Variants in NCKAP5 observed in about 807,000 individuals in gnomAD.
The protein encoded by NCKAP5 is NCK associated protein 5.
NCKAP5 carries 92 observed loss-of-function variants against 167.0 expected under a neutral mutation model. The observed-to-expected ratio is 0.55, with a 90% CI of 0.47 to 0.66. The LOEUF is 0.66. NCKAP5 is among the 30% of genes least tolerant of loss of function. The pLI is 0.00. For missense variants in NCKAP5, 2,378 were observed against 2,315.0 expected, an observed-to-expected ratio of 1.03 and a Z score of -0.56; for synonymous variants, 891 against 877.4, an observed-to-expected ratio of 1.02 and a Z score of -0.27.
the NCKAP5 span, among the ~76,000 whole-genome samples, chr2:133,590,716 G>A: frequency 6.6e-6 from 1 of 152,168 alleles, no homozygotes; most frequent in Admixed American, 6.5e-5. Context: ...CCATCGCCTA[G>A]GACTTTATTA....
chr2:132,815,068 G>A (rs116730558), intron 11 of NCKAP5, among the ~76,000 whole-genome samples: 1,907 of 152,284 alleles, frequency 0.013, 41 homozygotes, highest in African/African-American at 0.044. Context: ...GAGACAGTCT[G>A]TAGTTACCAT....
chr2:132,947,651 G>A (rs1353388892), intron 8 of NCKAP5, among the ~76,000 whole-genome samples: 1 of 152,138 alleles, frequency 6.6e-6, no homozygotes, highest in Non-Finnish European at 1.5e-5. Context: ...TCAACCCAGC[G>A]AGCTCTGTCC....
chr2:132,738,773 G>A (rs1259268904), intron 16 of NCKAP5, among the ~76,000 whole-genome samples: 2 of 152,024 alleles, frequency 1.3e-5, no homozygotes, highest in African/African-American at 2.4e-5. Context: ...TGGAAGGCAA[G>A]GGGGGCTGGT....
intron 3 of NCKAP5, among the ~76,000 whole-genome samples, chr2:133,470,721 T>C (rs994150802): frequency 6.6e-6 from 1 of 152,138 alleles, no homozygotes; most frequent in Non-Finnish European, 1.5e-5. Context: ...TGGTGCGCCG[T>C]TTTTTAAGCC....
At chr2:133,228,596 G>A (rs1397715065) in intron 4 of NCKAP5, among the ~76,000 whole-genome samples, 2 of 152,108 alleles carry the variant, frequency 1.3e-5, no homozygotes, top group East Asian at 1.9e-4. Flanking sequence ...TTTATACTGT[G>A]CACATTCCTA....
chr2:133,482,899 T>A, intron 3 of NCKAP5, among the ~76,000 whole-genome samples: 1 of 152,184 alleles, frequency 6.6e-6, no homozygotes, highest in East Asian at 1.9e-4. Context: ...TAAGGACCAC[T>A]CCTGTGATAC....
At chr2:133,539,003 C>T (rs1295819898) in intron 2 of NCKAP5, among the ~76,000 whole-genome samples, 8 of 138,582 alleles carry the variant, frequency 5.8e-5, no homozygotes, top group South Asian at 2.3e-4. Context: ...TGCAGTGGCG[C>T]GATCTCGACT....
chr2:132,920,680 A>ATATATAT lies in NCKAP5; in HGVS notation c.580-41765_580-41764insATATATA, dbSNP rs1558942415. Among the ~76,000 whole-genome samples the ATATATAT allele has an allele frequency of 4.8e-5, 4 of 83,404 alleles. 1 individual carries two copies. Among genetic ancestry groups the ATATATAT allele is most frequent in the African/African-American group, 8.2e-5 (1 of 12,184 alleles). 54.7% of individuals were successfully genotyped at this position (83,404 alleles called of 152,430 possible). ...GAACTTATATATATATATATATATAAGTTAGTTTATATATATATATACGTA... is the reference window on the plus strand; with the variant it reads ...GAACTTATATATATATATATATATAATATATATGTTAGTTTATATATATATATACGTA... On this transcript the variant is annotated intron_variant, in intron 8 of 19. Coordinates refer to ENST00000409261, the MANE Select transcript of NCKAP5 (RefSeq NM_207363.3).
rs57901498 is a variant in NCKAP5, at chr2:133,563,564, T to TAAAAAAA, written c.-129-4454_-129-4448dup. 2.1e-4 allele frequency among the ~76,000 whole-genome samples: 11 copies of TAAAAAAA among 53,012 alleles called. 2 individuals carry two copies. The highest frequency in any genetic ancestry group is 4.2e-4 in the African/African-American group (6 of 14,298). The allele number at this position is 53,012 out of a possible 152,430, so 34.8% of individuals were successfully genotyped here. ...AGCCTGGTGACAGAGAAAGACTCCA[T>TAAAAAAA]AAAAAAAAAAAAAAAAAAAAAAAAA... On this transcript the variant is annotated intron_variant, in intron 1 of 19. Coordinates refer to ENST00000409261, the MANE Select transcript of NCKAP5 (RefSeq NM_207363.3).
chr2:133,033,538 G>A lies in NCKAP5; in HGVS notation c.342-39299C>T, dbSNP rs188697701. Among the ~76,000 whole-genome samples the A allele has an allele frequency of 2.1e-3, 314 of 152,270 alleles. 4 individuals carry two copies. The highest frequency in any genetic ancestry group is 7.2e-3 in the African/African-American group (299 of 41,536). Reference sequence around the variant, plus strand: ...AATAAGGAACCAGAGACCAAACTTGGAGAAACAGAGAGATGCGATCTTTCA... The same window carrying A: ...AATAAGGAACCAGAGACCAAACTTGAAGAAACAGAGAGATGCGATCTTTCA... On this transcript the variant is annotated intron_variant, in intron 6 of 19. Coordinates refer to ENST00000409261, the MANE Select transcript of NCKAP5 (RefSeq NM_207363.3).
intron 3 of NCKAP5, among the ~76,000 whole-genome samples, chr2:133,327,992 A>G (rs994488218): frequency 6.6e-6 from 1 of 152,134 alleles, no homozygotes; most frequent in East Asian, 1.9e-4. Flanking sequence ...TTGAGCCCCA[A>G]GTAGTGCCCA....
rs1042892431 is a variant in NCKAP5, at chr2:133,193,948, C to T, written c.207+19768G>A. Among the ~76,000 whole-genome samples, 8 of 152,120 alleles carry T rather than the reference C, an allele frequency of 5.3e-5. No homozygotes were observed. The East Asian group carries it at 5.8e-4, about 11-fold the overall frequency. The stretch of plus-strand genomic sequence containing the variant: ...ATTTTCTACAAACAAATTGGATCAG[C>T]GGCTGTGTTACAGTTGCTAAGGGCA... On this transcript the variant is annotated intron_variant, in intron 5 of 19. Coordinates refer to ENST00000409261, the MANE Select transcript of NCKAP5 (RefSeq NM_207363.3).
At chr2:132,712,633 C>G (rs939840947) in intron 19 of NCKAP5, among the ~76,000 whole-genome samples, 15 of 151,868 alleles carry the variant, frequency 9.9e-5, no homozygotes, top group Non-Finnish European at 1.8e-4. Context: ...GCCTGGGCAA[C>G]AGAGTGAGAT....
At chr2:132,962,842 C>T (rs908975056) in intron 8 of NCKAP5, among the ~76,000 whole-genome samples, 15 of 152,132 alleles carry the variant, frequency 9.9e-5, no homozygotes, top group East Asian at 1.9e-4. Flanking sequence ...CCGCCTGCCT[C>T]GGCCTCCTAA....
At chr2:132,939,666 C>T (rs1442761218) in intron 8 of NCKAP5, among the ~76,000 whole-genome samples, 3 of 151,894 alleles carry the variant, frequency 2.0e-5, no homozygotes, top group African/African-American at 7.3e-5. Flanking sequence ...TCTGAGAGTT[C>T]AGTGTACCCA....
intron 6 of NCKAP5, among the ~76,000 whole-genome samples, chr2:133,083,234 A>G (rs1000401286): frequency 2.0e-5 from 3 of 152,178 alleles, no homozygotes; most frequent in African/African-American, 7.2e-5. Flanking sequence ...CCAAAAAAAA[A>G]TCACACCAAG....
chr2:133,383,949 G>A (rs1686731311), intron 3 of NCKAP5, among the ~76,000 whole-genome samples: 1 of 152,072 alleles, frequency 6.6e-6, no homozygotes, highest in Admixed American at 6.5e-5. Context: ...TGTAGATTCT[G>A]GATATTAGCC....
intron 4 of NCKAP5, among the ~76,000 whole-genome samples, chr2:133,242,228 T>TAA (rs1004783769): frequency 1.5e-4 from 23 of 151,222 alleles, no homozygotes; most frequent in African/African-American, 5.1e-4. Context: ...TCCAGCTTGG[T>TAA]AAATACTCTG....
chr2:133,152,153 A>G (rs563231583), intron 5 of NCKAP5, among the ~76,000 whole-genome samples: 1 of 152,302 alleles, frequency 6.6e-6, no homozygotes, highest in African/African-American at 2.4e-5. Flanking sequence ...CAGAATAAAG[A>G]ATTACAAAGA....
Sources: allele counts gnomAD v4.1 joint callset (sites outside exome capture counted in the v4.1 genomes callset), GRCh38; gene constraint gnomAD v4.1.1; transcripts MANE v1.5; gene names NCBI Gene and HGNC (gene_info 2026-07-23, HGNC 2026-07-21).